The following SDK1 variants were observed in gnomAD, a reference collection of about 807,000 sequenced individuals.
The protein encoded by SDK1 is sidekick cell adhesion molecule 1.
Under a neutral mutation model 245.5 loss-of-function variants are expected in SDK1, and 157 were observed. The observed-to-expected ratio is 0.64, with a 90% CI of 0.56 to 0.73. The LOEUF is 0.73. Among genes scored for constraint, SDK1 ranks in the 30% least tolerant of loss-of-function variants. The pLI is 0.00. For missense variants in SDK1, 3,583 were observed against 3,002.3 expected, an observed-to-expected ratio of 1.19 and a Z score of -4.52; for synonymous variants, 1,647 against 1,278.5, an observed-to-expected ratio of 1.29 and a Z score of -6.15.
intron 4 of SDK1, among the ~76,000 whole-genome samples, chr7:3,675,963 C>T (rs569935645): frequency 5.9e-5 from 9 of 152,186 alleles, no homozygotes; most frequent in Non-Finnish European, 1.0e-4. Flanking sequence ...ATGCATAGTT[C>T]CTGAATATTT....
chr7:3,304,927 C>T (rs1779378147), intron 1 of SDK1, among the ~76,000 whole-genome samples: 1 of 152,106 alleles, frequency 6.6e-6, no homozygotes, highest in African/African-American at 2.4e-5. Context: ...TGAGACACCC[C>T]CTCCTCCCTC....
intron 4 of SDK1, among the ~76,000 whole-genome samples, chr7:3,672,780 T>TATATATAC (rs2128663451): frequency 9.9e-6 from 1 of 101,424 alleles, no homozygotes; most frequent in South Asian, 3.1e-4. Context: ...TATATATATA[T>TATATATAC]ATATATATAT....
At chr7:3,917,587 A>G (rs12701282) in intron 5 of SDK1, among the ~76,000 whole-genome samples, 49,212 of 151,992 alleles carry the variant, frequency 0.32, 8,144 homozygotes, top group Middle Eastern at 0.41. Flanking sequence ...GGGTGTGGGC[A>G]GTCAGGAAGT....
chr7:3,906,617 C>CTT (rs71032914), intron 5 of SDK1, among the ~76,000 whole-genome samples: 3,166 of 57,282 alleles, frequency 0.055, 708 homozygotes, highest in Non-Finnish European at 0.08. Context: ...ATTTCAGTGT[C>CTT]TTTTTTTTTT....
At chr7:4,258,596 G>T (rs887149156) in intron 44 of SDK1, among the ~76,000 whole-genome samples, 18 of 152,196 alleles carry the variant, frequency 1.2e-4, no homozygotes, top group African/African-American at 4.1e-4. Context: ...GAGAAACCAG[G>T]CTGGTTTTGG....
chr7:3,350,483 C>A (rs868801754), intron 1 of SDK1, among the ~76,000 whole-genome samples: 1 of 152,116 alleles, frequency 6.6e-6, no homozygotes, highest in African/African-American at 2.4e-5. Context: ...CAGAAGAGTT[C>A]AGTATTCAGT....
At position 4,197,870 on chromosome 7, in the gene SDK1, C is replaced by T. The variant is rs149848081; in HGVS notation, c.5099-8009C>T. ...TTGCGGTGGTCTCCTTTGTCATAGACGACAGATGCTTGCCACACGCAAGCA... is the reference window on the plus strand; with the variant it reads ...TTGCGGTGGTCTCCTTTGTCATAGATGACAGATGCTTGCCACACGCAAGCA... On this transcript the variant is annotated intron_variant, in intron 35 of 44. Coordinates refer to ENST00000404826, the MANE Select transcript of SDK1 (RefSeq NM_152744.4). Among the ~76,000 whole-genome samples the T allele has an allele frequency of 1.4e-3, 211 of 152,256 alleles. 2 individuals carry two copies. In the South Asian group the frequency reaches 0.017, roughly 12 times the overall value.
intron 4 of SDK1, among the ~76,000 whole-genome samples, chr7:3,800,374 T>G (rs2014637): frequency 3.6e-4 from 52 of 145,860 alleles, no homozygotes; most frequent in African/African-American, 1.4e-3. Context: ...TACTTACTTA[T>G]TTATTTATTT....
chr7:3,566,318 A>T (rs900026169), intron 1 of SDK1, among the ~76,000 whole-genome samples: 1 of 142,064 alleles, frequency 7.0e-6, no homozygotes, highest in Non-Finnish European at 1.5e-5. Flanking sequence ...TCCCCCTCCC[A>T]GGTTCACGCC....
chr7:4,124,648 T>C (rs1784265453), intron 25 of SDK1, among the ~76,000 whole-genome samples: 1 of 152,184 alleles, frequency 6.6e-6, no homozygotes, highest in Admixed American at 6.5e-5. Flanking sequence ...GGGCACAGGT[T>C]CAAGCCATAA....
chr7:4,031,838 C>A (rs1372044402), intron 17 of SDK1, among the ~76,000 whole-genome samples: 1 of 147,440 alleles, frequency 6.8e-6, no homozygotes, highest in Non-Finnish European at 1.5e-5. Flanking sequence ...ACCAGCCTGG[C>A]CAACATGGTG....
intron 1 of SDK1, among the ~76,000 whole-genome samples, chr7:3,489,465 A>G (rs1227997873): frequency 6.6e-6 from 1 of 152,068 alleles, no homozygotes; most frequent in East Asian, 1.9e-4. Flanking sequence ...TATTTTTACC[A>G]TTTTCTTTAT....
intron 1 of SDK1, among the ~76,000 whole-genome samples, chr7:3,446,270 T>A (rs554765129): frequency 1.3e-5 from 2 of 152,298 alleles, no homozygotes; most frequent in South Asian, 4.1e-4. Context: ...ATCTCTATTT[T>A]GTGGATAAAG....
chr7:3,468,325 A>G (rs1318354473), intron 1 of SDK1, among the ~76,000 whole-genome samples: 4 of 152,142 alleles, frequency 2.6e-5, no homozygotes, highest in African/African-American at 9.7e-5. Flanking sequence ...GACTCAGAAA[A>G]TATCCCAAAA....
At position 3,345,041 on chromosome 7, in the gene SDK1, CAT is replaced by C. The variant is rs1780456946; in HGVS notation, c.298+43160_298+43161del. On this transcript the variant is annotated intron_variant, in intron 1 of 44. Transcript: ENST00000404826. ...TTGTGCTTTATTACAGATTTTAAAA[CAT>C]ATTGCAAGAAGTTAAGCGTTTATAG... Among the ~76,000 whole-genome samples the C allele has an allele frequency of 3.9e-5, 6 of 152,134 alleles. 1 individual carries two copies. The South Asian group carries it at 1.2e-3, about 31-fold the overall frequency.
intron 5 of SDK1, among the ~76,000 whole-genome samples, chr7:3,893,337 G>C (rs370019949): frequency 1.3e-5 from 2 of 152,030 alleles, no homozygotes; most frequent in Non-Finnish European, 2.9e-5. Flanking sequence ...CAGGATGGCC[G>C]GGGGGAGGAT....
intron 1 of SDK1, among the ~76,000 whole-genome samples, chr7:3,578,079 C>G (rs368389735): frequency 1.3e-5 from 2 of 151,950 alleles, no homozygotes; most frequent in Admixed American, 1.3e-4. Context: ...TTTTCTCTCT[C>G]TAATTTGCAT....
At chr7:3,305,217 T>A (rs1779386501) in intron 1 of SDK1, among the ~76,000 whole-genome samples, 1 of 152,256 alleles carries the variant, frequency 6.6e-6, no homozygotes, top group South Asian at 2.1e-4. Context: ...TACATCGGAA[T>A]CACTGGTGAA....
chr7:3,623,771 A>C (rs930842395), intron 2 of SDK1, among the ~76,000 whole-genome samples: 1 of 152,190 alleles, frequency 6.6e-6, no homozygotes, highest in African/African-American at 2.4e-5. Flanking sequence ...GAATTTCTTA[A>C]TGCTAGGCAC....
Sources: allele counts gnomAD v4.1 joint callset (sites outside exome capture counted in the v4.1 genomes callset), GRCh38; gene constraint gnomAD v4.1.1; transcripts MANE v1.5; gene names NCBI Gene and HGNC (gene_info 2026-07-23, HGNC 2026-07-21).